Variants in TMTC2 observed in about 807,000 individuals in gnomAD.
TMTC2 encodes the protein transmembrane O-mannosyltransferase targeting cadherins 2.
TMTC2 carries 43 observed loss-of-function variants against 82.4 expected under a neutral mutation model. The ratio of observed to expected loss-of-function variants is 0.52; its 90% CI spans 0.41 to 0.67. The LOEUF (loss-of-function observed/expected upper bound fraction) is 0.67. TMTC2 is among the 30% of genes least tolerant of loss of function. The probability of loss-of-function intolerance (pLI) is 0.00; values close to 1 mark genes in which losing one functional copy is unlikely to be tolerated. For missense variants in TMTC2, 919 were observed against 1,012.4 expected, an observed-to-expected ratio of 0.91 and a Z score of 1.25; for synonymous variants, 408 against 381.9, an observed-to-expected ratio of 1.07 and a Z score of -0.80.
chr12:82,939,440 A>T (rs2137259518), intron 4 of TMTC2, among the ~76,000 whole-genome samples: 1 of 152,260 alleles, frequency 6.6e-6, no homozygotes, highest in Non-Finnish European at 1.5e-5. Context: ...TTTGCAGCCT[A>T]ATATGCTTTT....
At chr12:82,777,305 T>C (rs1004718768) in intron 1 of TMTC2, among the ~76,000 whole-genome samples, 1 of 152,198 alleles carries the variant, frequency 6.6e-6, no homozygotes, top group South Asian at 2.1e-4. Context: ...CTTCTACTTA[T>C]TGCAATCAAT....
intron 1 of TMTC2, among the ~76,000 whole-genome samples, chr12:82,699,425 A>G (rs985598731): frequency 3.9e-5 from 6 of 152,130 alleles, no homozygotes; most frequent in Non-Finnish European, 5.9e-5. Context: ...TCTGGTATAA[A>G]TAGTCTTTGG....
intron 1 of TMTC2, among the ~76,000 whole-genome samples, chr12:82,701,546 GT>G (rs1197962820): frequency 6.8e-6 from 1 of 146,192 alleles, no homozygotes; most frequent in Admixed American, 6.9e-5. Context: ...GAGGTTGGGA[GT>G]TTGAGACCAG....
At chr12:82,873,156 A>T (rs1872291594) in intron 2 of TMTC2, among the ~76,000 whole-genome samples, 1 of 150,924 alleles carries the variant, frequency 6.6e-6, no homozygotes. Flanking sequence ...CATCAATCTT[A>T]ATTTTATATT....
At chr12:82,954,926 G>A (rs923594151) in intron 4 of TMTC2, among the ~76,000 whole-genome samples, 5 of 152,160 alleles carry the variant, frequency 3.3e-5, no homozygotes, top group African/African-American at 1.2e-4. Context: ...AAATAGAAAT[G>A]GTAGGTTAGA....
chr12:82,760,767 G>T, intron 1 of TMTC2: 1 of 265,352 alleles, frequency 3.8e-6, no homozygotes, highest in South Asian at 3.3e-5. Context: ...GATTCTCATA[G>T]GGTGCAAACC....
intron 10 of TMTC2, among the ~76,000 whole-genome samples, chr12:83,052,471 T>C (rs547254375): frequency 6.6e-6 from 1 of 152,196 alleles, no homozygotes; most frequent in African/African-American, 2.4e-5. Context: ...CAAAGATAAT[T>C]TTTAAAAGAC....
At chr12:82,704,765 C>G (rs1477445419) in intron 1 of TMTC2, among the ~76,000 whole-genome samples, 2 of 151,070 alleles carry the variant, frequency 1.3e-5, no homozygotes, top group Non-Finnish European at 2.9e-5. Flanking sequence ...TAACAAATTT[C>G]TGTTCTGTAT....
chr12:82,839,896 G>A (rs1161607392), intron 1 of TMTC2, among the ~76,000 whole-genome samples: 1 of 152,168 alleles, frequency 6.6e-6, no homozygotes, highest in Non-Finnish European at 1.5e-5. Flanking sequence ...TGGCTGCTGT[G>A]AACATCATTC....
At chr12:82,840,655 T>C (rs1870282061) in intron 1 of TMTC2, among the ~76,000 whole-genome samples, 1 of 152,238 alleles carries the variant, frequency 6.6e-6, no homozygotes, top group Non-Finnish European at 1.5e-5. Flanking sequence ...TCTGATGTAG[T>C]AGTCATAGAC....
chr12:82,963,406 A>G (rs1266763320), intron 4 of TMTC2, among the ~76,000 whole-genome samples: 1 of 151,680 alleles, frequency 6.6e-6, no homozygotes, highest in Non-Finnish European at 1.5e-5. Context: ...TCTAGATGGT[A>G]TTTCTCCCCT....
chr12:82,851,462 A>T (rs1430455329), intron 1 of TMTC2, among the ~76,000 whole-genome samples: 2 of 152,144 alleles, frequency 1.3e-5, no homozygotes, highest in African/African-American at 4.8e-5. Flanking sequence ...TATGTTACAT[A>T]CTCACATTAT....
At chr12:83,088,781 G>T (rs1257516795) in intron 11 of TMTC2, among the ~76,000 whole-genome samples, 1 of 152,168 alleles carries the variant, frequency 6.6e-6, no homozygotes, top group Non-Finnish European at 1.5e-5. Context: ...GAAATGGCAA[G>T]ACTTCTCTTC....
intron 1 of TMTC2, among the ~76,000 whole-genome samples, chr12:82,720,548 A>G (rs1462768410): frequency 1.3e-5 from 2 of 152,168 alleles, no homozygotes; most frequent in East Asian, 1.9e-4. Flanking sequence ...CTTGAACAAT[A>G]TTTTACAAGT....
At chr12:83,084,483 G>A (rs116043646) in intron 11 of TMTC2, among the ~76,000 whole-genome samples, 310 of 152,078 alleles carry the variant, frequency 2.0e-3, no homozygotes, top group African/African-American at 7.1e-3. Context: ...CACTCAACAG[G>A]TGATTTGCCC....
At position 83,004,722 on chromosome 12, in the gene TMTC2, A is replaced by ATTTTTTTTTT. The variant is rs528076999; in HGVS notation, c.2070+18712_2070+18721dup. 1.5e-3 allele frequency among the ~76,000 whole-genome samples: 53 copies of ATTTTTTTTTT among 36,028 alleles called. 12 individuals are homozygous for ATTTTTTTTTT. Among genetic ancestry groups the ATTTTTTTTTT allele is most frequent in the East Asian group, 2.7e-3 (2 of 744 alleles). 23.6% of individuals were successfully genotyped at this position (36,028 alleles called of 152,430 possible). On this transcript the variant is annotated intron_variant, in intron 8 of 11. Transcript: ENST00000321196. ...TTCACAGGCAGTGTATACTGGCCGA[A>ATTTTTTTTTT]TTTTTTTTTTTTTTTTTTTTTTTTT...
Position 82,784,476 on chromosome 12 carries a change from G to A in TMTC2, c.84-72534G>A, listed in dbSNP as rs575604164. Among the ~76,000 whole-genome samples the A allele has an allele frequency of 7.9e-5, 12 of 152,128 alleles. No individual in the cohort carries two copies. The South Asian group carries it at 2.5e-3, about 32-fold the overall frequency. ...CTATGATCGCACGGCCTGATACATCGGTGTTTCCTCCTACCTTGTAGAAAA... is the reference window on the plus strand; with the variant it reads ...CTATGATCGCACGGCCTGATACATCAGTGTTTCCTCCTACCTTGTAGAAAA... On this transcript the variant is annotated intron_variant, in intron 1 of 11. Transcript: ENST00000321196.
intron 8 of TMTC2, among the ~76,000 whole-genome samples, chr12:82,996,781 C>A (rs890643197): frequency 7.9e-5 from 12 of 152,124 alleles, no homozygotes; most frequent in Admixed American, 5.9e-4. Flanking sequence ...AAAGATGAAA[C>A]CTGAAGATAT....
intron 2 of TMTC2, among the ~76,000 whole-genome samples, chr12:82,867,574 T>C (rs2137130872): frequency 6.6e-6 from 1 of 152,322 alleles, no homozygotes; most frequent in Non-Finnish European, 1.5e-5. Context: ...GTACTTTTAA[T>C]ATAGAGACCT....
Sources: gnomAD v4.1 joint callset for allele counts (sites outside exome capture counted in the v4.1 genomes callset) on GRCh38, gnomAD v4.1.1 for gene constraint, MANE v1.5 for transcripts, NCBI Gene and HGNC (gene_info 2026-07-23, HGNC 2026-07-21) for gene names.